Variants in DOK6 observed in about 807,000 individuals in gnomAD.
The protein encoded by DOK6 is downstream of tyrosine kinase 6.
In DOK6, 22 loss-of-function variants were observed where a neutral mutation model predicts 44.0. The ratio of observed to expected loss-of-function variants is 0.50; its 90% CI spans 0.36 to 0.71. DOK6 has a LOEUF of 0.71. Ranked by LOEUF, DOK6 falls within the 30% of genes least tolerant of loss-of-function variation. The pLI is 0.00. For missense variants in DOK6, 340 were observed against 416.4 expected (o/e 0.82, Z 1.60); for synonymous variants, 166 against 145.5 (o/e 1.14, Z -1.01).
intron 7 of DOK6, among the ~76,000 whole-genome samples, chr18:69,798,327 T>C (rs577740473): frequency 5.3e-5 from 8 of 152,180 alleles, no homozygotes; most frequent in African/African-American, 1.4e-4. Flanking sequence ...GGCTTCTGGG[T>C]AGGAGGGCAA....
At chr18:69,690,710 A>C (rs1416257393) in intron 4 of DOK6, among the ~76,000 whole-genome samples, 1 of 152,184 alleles carries the variant, frequency 6.6e-6, no homozygotes, top group Admixed American at 6.5e-5. Flanking sequence ...TTCATATGAA[A>C]CTCAATAATA....
chr18:69,492,127 A>G (rs1980751375), intron 1 of DOK6, among the ~76,000 whole-genome samples: 1 of 152,250 alleles, frequency 6.6e-6, no homozygotes, highest in Non-Finnish European at 1.5e-5. Context: ...TCTTATTTGC[A>G]GATAAACAAC....
At chr18:69,792,274 C>T (rs756593414) in intron 7 of DOK6, among the ~76,000 whole-genome samples, 5 of 151,920 alleles carry the variant, frequency 3.3e-5, no homozygotes, top group African/African-American at 4.8e-5. Flanking sequence ...TTTCTGTTTC[C>T]GTGAAGAATG....
At chr18:69,538,858 C>A (rs1982192625) in intron 1 of DOK6, among the ~76,000 whole-genome samples, 1 of 152,074 alleles carries the variant, frequency 6.6e-6, no homozygotes, top group Admixed American at 6.6e-5. Flanking sequence ...CCTCTCCAGC[C>A]TTCCCTGCAA....
chr18:69,657,555 C>T (rs1478846252), intron 3 of DOK6, among the ~76,000 whole-genome samples: 1 of 152,112 alleles, frequency 6.6e-6, no homozygotes, highest in South Asian at 2.1e-4. Flanking sequence ...TTGATTGATA[C>T]AGAAAAATAT....
At chr18:69,777,006 G>C (rs1980089271) in intron 7 of DOK6, among the ~76,000 whole-genome samples, 1 of 122,494 alleles carries the variant, frequency 8.2e-6, no homozygotes, top group Non-Finnish European at 1.7e-5. Flanking sequence ...TTGTTGGGTG[G>C]GGGGAGGGAT....
At chr18:69,490,314 A>T (rs1980700491) in intron 1 of DOK6, among the ~76,000 whole-genome samples, 1 of 152,182 alleles carries the variant, frequency 6.6e-6, no homozygotes. Context: ...TAACTGGCAA[A>T]CTCAATTCCT....
chr18:69,805,412 G>T lies in DOK6; in HGVS notation c.857-35832G>T, dbSNP rs2145110268. On this transcript the variant is annotated intron_variant, in intron 7 of 7. Transcript: ENST00000382713. ...AAGAAGTGAGTAATGAGAAATAATG[G>T]CCTGAGATATATTAACTAGTCTATG... Among the ~76,000 whole-genome samples, 4 of 152,152 alleles carry T rather than the reference G, an allele frequency of 2.6e-5. 1 individual carries two copies. In the South Asian group the frequency reaches 8.3e-4, roughly 32 times the overall value.
chr18:69,496,942 G>C (rs1177082172), intron 1 of DOK6, among the ~76,000 whole-genome samples: 5 of 152,188 alleles, frequency 3.3e-5, no homozygotes, highest in Non-Finnish European at 7.4e-5. Context: ...TTAGTAGCAA[G>C]TACTTATACA....
chr18:69,613,126 C>G (rs1984202686), intron 3 of DOK6, among the ~76,000 whole-genome samples: 1 of 152,222 alleles, frequency 6.6e-6, no homozygotes, highest in South Asian at 2.1e-4. Context: ...CCGTCTCGGC[C>G]TCTCAAAGTG....
chr18:69,615,013 C>G (rs562102693), intron 3 of DOK6, among the ~76,000 whole-genome samples: 1 of 152,014 alleles, frequency 6.6e-6, no homozygotes, highest in South Asian at 2.1e-4. Flanking sequence ...GATTATAGAA[C>G]TTTTCATCTT....
At chr18:69,410,643 C>T (rs1024764477) in intron 1 of DOK6, among the ~76,000 whole-genome samples, 2 of 152,254 alleles carry the variant, frequency 1.3e-5, no homozygotes, top group East Asian at 1.9e-4. Flanking sequence ...GTGAGTAAAT[C>T]CTTTCTGAGG....
chr18:69,537,926 C>G (rs1568289575), intron 1 of DOK6, among the ~76,000 whole-genome samples: 1 of 151,944 alleles, frequency 6.6e-6, no homozygotes, highest in Non-Finnish European at 1.5e-5. Context: ...CCTTAGAAAG[C>G]TTTTAGTATT....
intron 7 of DOK6, among the ~76,000 whole-genome samples, chr18:69,814,632 C>A (rs1981342750): frequency 6.6e-6 from 1 of 152,076 alleles, no homozygotes; most frequent in African/African-American, 2.4e-5. Context: ...ACTGGGAGGC[C>A]TCAGGAAATT....
intron 1 of DOK6, chr18:69,532,956 G>A (rs1982025608): frequency 3.3e-5 from 5 of 152,100 alleles, no homozygotes; most frequent in African/African-American, 1.2e-4. Flanking sequence ...TGTTTTCTCA[G>A]AAAACAGCTT....
intron 2 of DOK6, among the ~76,000 whole-genome samples, chr18:69,589,389 T>C (rs1983575711): frequency 6.6e-6 from 1 of 151,996 alleles, no homozygotes; most frequent in South Asian, 2.1e-4. Context: ...ATTAGTAAAA[T>C]ACCCAGATTA....
chr18:69,768,261 A>G (rs1979780143), intron 7 of DOK6, among the ~76,000 whole-genome samples: 1 of 152,172 alleles, frequency 6.6e-6, no homozygotes, highest in Admixed American at 6.5e-5. Context: ...AAATGTTAAT[A>G]CAGACAGATT....
intron 6 of DOK6, among the ~76,000 whole-genome samples, chr18:69,745,930 A>T (rs1167743355): frequency 6.6e-6 from 1 of 152,242 alleles, no homozygotes; most frequent in Non-Finnish European, 1.5e-5. Context: ...TAATTTTATG[A>T]ACTTAACGAT....
At chr18:69,755,863 G>T (rs1979337400) in intron 6 of DOK6, among the ~76,000 whole-genome samples, 1 of 152,196 alleles carries the variant, frequency 6.6e-6, no homozygotes, top group African/African-American at 2.4e-5. Flanking sequence ...GAGGAAAGCA[G>T]AATTTATTAA....
Sources: gnomAD v4.1 joint callset for allele counts (sites outside exome capture counted in the v4.1 genomes callset) on GRCh38, gnomAD v4.1.1 for gene constraint, MANE v1.5 for transcripts, NCBI Gene and HGNC (gene_info 2026-07-23, HGNC 2026-07-21) for gene names.